Variants in CNTNAP4 observed in about 807,000 individuals in gnomAD.
CNTNAP4 encodes contactin-associated protein-like 4.
In CNTNAP4, 98 loss-of-function variants were observed where a neutral mutation model predicts 148.4. The ratio of observed to expected loss-of-function variants is 0.66; its 90% CI spans 0.56 to 0.78. The LOEUF is 0.78. Ranked by LOEUF, CNTNAP4 falls within the 30% of genes least tolerant of loss-of-function variation. The pLI is 0.00. For synonymous variants in CNTNAP4, 730 were observed against 565.1 expected (o/e 1.29, Z -4.14); for missense variants, 1,935 against 1,565.6 (o/e 1.24, Z -3.98).
At chr16:76,373,247 G>GAAATATATTCCACATAAATATGTGA (rs35336828) in intron 3 of CNTNAP4, among the ~76,000 whole-genome samples, 3 of 93,474 alleles carry the variant, frequency 3.2e-5, no homozygotes, top group Non-Finnish European at 5.0e-5. Context: ...ATAAATAGGT[G>GAAATATATTCCACATAAATATGTGA]AATATATTCC....
intron 7 of CNTNAP4, among the ~76,000 whole-genome samples, chr16:76,452,072 T>TC (rs1264839591): frequency 1.3e-5 from 2 of 151,062 alleles, no homozygotes; most frequent in Admixed American, 6.6e-5. Context: ...TTTTTTTTTT[T>TC]CCCTAGGTTT....
chr16:76,443,046 A>T (rs1346299016), intron 4 of CNTNAP4, among the ~76,000 whole-genome samples: 1 of 152,070 alleles, frequency 6.6e-6, no homozygotes, highest in Non-Finnish European at 1.5e-5. Flanking sequence ...TAGAGTTCAT[A>T]CCCTGCCCAT....
intron 3 of CNTNAP4, among the ~76,000 whole-genome samples, chr16:76,410,804 G>A (rs1221573129): frequency 1.3e-5 from 2 of 151,538 alleles, no homozygotes; most frequent in Non-Finnish European, 3.0e-5. Flanking sequence ...TTTAAAGTTG[G>A]TGGCAACTTA....
intron 10 of CNTNAP4, among the ~76,000 whole-genome samples, chr16:76,474,097 A>G (rs1169958713): frequency 6.6e-6 from 1 of 152,158 alleles, no homozygotes; most frequent in Non-Finnish European, 1.5e-5. Flanking sequence ...AAATAACTTA[A>G]TAAGTGTTTA....
In CNTNAP4 at chr16:76,489,821, C is replaced by T. The variant is rs2143778600; in HGVS notation, c.2018C>T (p.Ala673Val). ...CAACTTCAGGCCACTATTAACCGTG[C>T]AGAGCACTGTGAACAGGAGTTTACT... ...MEQLQATINR[A>V]EHCEQEFTYY... The change falls in exon 13 of 24, where the codon GCA becomes GTA. Residue 673 changes from alanine (A) to valine (V), a missense_variant. Physicochemically the swap from Ala to Val is moderately conservative, Grantham distance 64. Coordinates refer to ENST00000611870, the MANE Select transcript of CNTNAP4 (RefSeq NM_033401.5). The T allele has an allele frequency of 6.2e-7, 1 of 1,605,538 alleles. No homozygotes were observed. Among genetic ancestry groups the T allele is most frequent in the Non-Finnish European group, 8.5e-7 (1 of 1,175,346 alleles).
At chr16:76,540,346 A>G (rs73621245) in intron 20 of CNTNAP4, among the ~76,000 whole-genome samples, 9,733 of 152,096 alleles carry the variant, frequency 0.064, 567 homozygotes, top group East Asian at 0.27. Context: ...ATACCAAGTA[A>G]AAGTGTTAAG....
At chr16:76,501,634 T>C (rs1443238045) in intron 15 of CNTNAP4, among the ~76,000 whole-genome samples, 2 of 152,138 alleles carry the variant, frequency 1.3e-5, no homozygotes, top group Non-Finnish European at 2.9e-5. Context: ...TCAGGTTTGC[T>C]GCTAAACATC....
chr16:76,344,600 G>A (rs1202422403), intron 2 of CNTNAP4, among the ~76,000 whole-genome samples: 2 of 152,156 alleles, frequency 1.3e-5, no homozygotes, highest in African/African-American at 4.8e-5. Context: ...CTGAATATTA[G>A]ATTAATAGTT....
intron 12 of CNTNAP4, among the ~76,000 whole-genome samples, chr16:76,483,231 A>AACTTCACACACACAC (rs1167634774): frequency 1.6e-4 from 23 of 140,112 alleles, no homozygotes; most frequent in African/African-American, 4.7e-4. Context: ...AGTTTTAAGA[A>AACTTCACACACACAC]ACACACACAC....
At chr16:76,529,214 ACTATC>A (rs1290670156) in intron 17 of CNTNAP4, among the ~76,000 whole-genome samples, 3 of 152,034 alleles carry the variant, frequency 2.0e-5, no homozygotes, top group African/African-American at 4.8e-5. Flanking sequence ...TTGGGTCTTT[ACTATC>A]CTTTTCATGT....
chr16:76,382,423 G>A (rs1362009517), intron 3 of CNTNAP4, among the ~76,000 whole-genome samples: 2 of 152,052 alleles, frequency 1.3e-5, no homozygotes, highest in East Asian at 1.9e-4. Context: ...ATCACATCTT[G>A]CTAATGACAG....
At chr16:76,352,107 G>T (rs2011868969) in intron 2 of CNTNAP4, among the ~76,000 whole-genome samples, 1 of 152,070 alleles carries the variant, frequency 6.6e-6, no homozygotes, top group Admixed American at 6.6e-5. Flanking sequence ...CATTATAGGG[G>T]CATTTCATTC....
At chr16:76,502,755 G>A (rs2082700923) in intron 15 of CNTNAP4, among the ~76,000 whole-genome samples, 1 of 151,858 alleles carries the variant, frequency 6.6e-6, no homozygotes, top group African/African-American at 2.4e-5. Context: ...TTTCTGATTT[G>A]AATAAAGCCA....
chr16:76,477,781 C>T (rs77366093), intron 11 of CNTNAP4, among the ~76,000 whole-genome samples: 1 of 152,126 alleles, frequency 6.6e-6, no homozygotes, highest in African/African-American at 2.4e-5. Context: ...CATGTAGTAA[C>T]TAACTCAAAA....
chr16:76,307,463 C>G (rs1007769981), intron 1 of CNTNAP4, among the ~76,000 whole-genome samples: 2 of 142,392 alleles, frequency 1.4e-5, no homozygotes, highest in African/African-American at 5.2e-5. Flanking sequence ...TTAAAATTAA[C>G]TTTTGATCCT....
At chr16:76,416,186 C>G (rs2078976407) in intron 3 of CNTNAP4, among the ~76,000 whole-genome samples, 2 of 151,114 alleles carry the variant, frequency 1.3e-5, no homozygotes, top group Admixed American at 1.3e-4. Context: ...AGAGGTTTAT[C>G]AATCTTAGCA....
intron 10 of CNTNAP4, among the ~76,000 whole-genome samples, chr16:76,475,176 CA>C (rs35622245): frequency 0.086 from 12,349 of 144,130 alleles, 1,507 homozygotes; most frequent in African/African-American, 0.27. Flanking sequence ...GCAGCTGTCT[CA>C]AAAAAAAAAA....
At chr16:76,334,015 T>C (rs1007059134) in intron 2 of CNTNAP4, among the ~76,000 whole-genome samples, 3 of 151,860 alleles carry the variant, frequency 2.0e-5, no homozygotes, top group Non-Finnish European at 4.4e-5. Flanking sequence ...CCAATGATGA[T>C]GAGCATTTTT....
At chr16:76,494,051 T>C (rs74829254) in intron 13 of CNTNAP4, among the ~76,000 whole-genome samples, 25,152 of 151,514 alleles carry the variant, frequency 0.17, 2,694 homozygotes, top group Admixed American at 0.31. Context: ...TCTCATGCCC[T>C]GATTCTCAGA....
Sources: allele counts gnomAD v4.1 joint callset (sites outside exome capture counted in the v4.1 genomes callset), GRCh38; gene constraint gnomAD v4.1.1; transcripts MANE v1.5; gene names NCBI Gene and HGNC (gene_info 2026-07-23, HGNC 2026-07-21).